Variants in ZYG11B observed in about 807,000 individuals in gnomAD.
The protein encoded by ZYG11B is zyg-11 family member B, cell cycle regulator, also known as protein zyg-11 homolog B.
A neutral mutation model predicts 82.4 loss-of-function variants in ZYG11B; 36 were observed. The ratio of observed to expected loss-of-function variants is 0.44; its 90% CI spans 0.33 to 0.58. The LOEUF (loss-of-function observed/expected upper bound fraction) is 0.58, where lower values mean the gene tolerates loss of function less well. ZYG11B is among the 20% of genes least tolerant of loss of function. ZYG11B has a pLI of 0.02. For missense variants in ZYG11B, 552 were observed against 895.6 expected (o/e 0.62, Z 4.90); for synonymous variants, 303 against 312.8 (o/e 0.97, Z 0.33).
intron 10 of ZYG11B, among the ~76,000 whole-genome samples, chr1:52,802,590 A>G (rs758586197): frequency 2.4e-4 from 37 of 151,514 alleles, no homozygotes; most frequent in Non-Finnish European, 4.7e-4. Flanking sequence ...AGCTCAAGCA[A>G]TCCTCCTACC....
chr1:52,799,491 A>C (rs1451692127), intron 8 of ZYG11B, among the ~76,000 whole-genome samples: 1 of 151,282 alleles, frequency 6.6e-6, no homozygotes, highest in Non-Finnish European at 1.5e-5. Flanking sequence ...TGTCTCAAAA[A>C]AAAAAAACAA....
intron 4 of ZYG11B, among the ~76,000 whole-genome samples, chr1:52,784,434 GA>G (rs1164442491): frequency 1.3e-5 from 2 of 152,208 alleles, no homozygotes; most frequent in Non-Finnish European, 2.9e-5. Context: ...GAGGGCAGAG[GA>G]AAAAGTGAGA....
At chr1:52,783,523 A>G (rs1469621429) in intron 4 of ZYG11B, among the ~76,000 whole-genome samples, 1 of 151,712 alleles carries the variant, frequency 6.6e-6, no homozygotes, top group African/African-American at 2.4e-5. Flanking sequence ...GGAAGGTGAC[A>G]TGTATATGTA....
intron 6 of ZYG11B, among the ~76,000 whole-genome samples, chr1:52,793,644 C>G (rs780644816): frequency 2.6e-5 from 4 of 152,106 alleles, no homozygotes; most frequent in Non-Finnish European, 5.9e-5. Flanking sequence ...AGAATTCAGA[C>G]CCAGAACTGA....
Position 52,771,536 on chromosome 1 carries a change from A to G in ZYG11B, c.713A>G (p.His238Arg). ...CTGGATGTAGTTCGGGAACTCAAAC[A>G]TCTGAATCATCTTGATATCTCAGAT... ...QILDVVRELK[H>R]LNHLDISDDK... The change falls in exon 3 of 14, where the codon CAT becomes CGT. Residue 238 changes from histidine to arginine, a missense_variant. Coordinates refer to ENST00000294353, the MANE Select transcript of ZYG11B (RefSeq NM_024646.3). The surrounding 1 kb of genome is among the most constrained non-coding windows in gnomAD (Gnocchi z 5.4). The G allele has an allele frequency of 6.2e-7, 1 of 1,614,156 alleles. No individual in the cohort carries two copies. The highest frequency in any genetic ancestry group is 8.5e-7 in the Non-Finnish European group (1 of 1,180,006).
At chr1:52,759,610 T>G (rs555751078) in intron 2 of ZYG11B, among the ~76,000 whole-genome samples, 1 of 152,324 alleles carries the variant, frequency 6.6e-6, no homozygotes, top group Admixed American at 6.5e-5. Context: ...ATTACCTGTC[T>G]TCTTCATCAA....
chr1:52,762,240 A>C (rs914931254), intron 2 of ZYG11B, among the ~76,000 whole-genome samples: 1 of 133,592 alleles, frequency 7.5e-6, no homozygotes. Flanking sequence ...ACAGGGTCTC[A>C]CTCTGTTATG....
chr1:52,740,484 T>C (rs1644414483), intron 1 of ZYG11B, among the ~76,000 whole-genome samples: 1 of 152,094 alleles, frequency 6.6e-6, no homozygotes, highest in African/African-American at 2.4e-5. Context: ...CCCCATAGTT[T>C]ATACCAAATA....
chr1:52,760,101 G>A (rs1360391765), intron 2 of ZYG11B, among the ~76,000 whole-genome samples: 1 of 152,104 alleles, frequency 6.6e-6, no homozygotes, highest in African/African-American at 2.4e-5. Flanking sequence ...CGAAAGTGCT[G>A]GGATTACAGG....
chr1:52,788,778 A>G (rs752438441), intron 5 of ZYG11B, among the ~76,000 whole-genome samples: 59 of 152,202 alleles, frequency 3.9e-4, no homozygotes, highest in Admixed American at 3.8e-3. Flanking sequence ...CAATGAGGTA[A>G]TATCTTTGCC....
intron 4 of ZYG11B, among the ~76,000 whole-genome samples, chr1:52,782,325 C>T (rs1328460049): frequency 6.6e-6 from 1 of 151,940 alleles, no homozygotes; most frequent in Non-Finnish European, 1.5e-5. Flanking sequence ...TTCCTGTGCT[C>T]AAGTGATTCT....
intron 3 of ZYG11B, among the ~76,000 whole-genome samples, chr1:52,775,424 C>G (rs779049022): frequency 1.3e-5 from 2 of 152,052 alleles, no homozygotes; most frequent in Non-Finnish European, 2.9e-5. Flanking sequence ...AGACCCCCAT[C>G]TGACACCTGT....
In ZYG11B at chr1:52,738,985, C is replaced by CTTTTTTTTTTTTTT. The variant is rs10643364; in HGVS notation, c.30+12315_30+12316insTTTTTTTTTTTTTT. Reference sequence around the variant, plus strand: ...ATTTTCATTTCATAGGCCCTGTAACCTTTTTTTTTTTTTGGAGACAGAGTC... The same window carrying CTTTTTTTTTTTTTT: ...ATTTTCATTTCATAGGCCCTGTAACCTTTTTTTTTTTTTTTTTTTTTTTTTTTGGAGACAGAGTC... On this transcript the variant is annotated intron_variant, in intron 1 of 13. Transcript: ENST00000294353. 6.4e-4 allele frequency among the ~76,000 whole-genome samples: 68 copies of CTTTTTTTTTTTTTT among 106,270 alleles called. 4 individuals are homozygous for CTTTTTTTTTTTTTT. Among genetic ancestry groups the CTTTTTTTTTTTTTT allele is most frequent in the African/African-American group, 1.3e-3 (34 of 25,188 alleles). 69.7% of individuals were successfully genotyped at this position (106,270 alleles called of 152,430 possible).
intron 1 of ZYG11B, among the ~76,000 whole-genome samples, chr1:52,737,634 C>T (rs1644388953): frequency 6.6e-6 from 1 of 152,142 alleles, no homozygotes; most frequent in Non-Finnish European, 1.5e-5. Context: ...TGCGTGGTGG[C>T]ATGCCTGTAA....
chr1:52,811,936 C>T (rs544552961), intron 10 of ZYG11B, among the ~76,000 whole-genome samples: 46 of 151,922 alleles, frequency 3.0e-4, no homozygotes, highest in African/African-American at 9.4e-4. Context: ...GAGGCTGAGG[C>T]GGGAGAATGG....
At chr1:52,817,225 G>A (rs1303258752) in intron 13 of ZYG11B, among the ~76,000 whole-genome samples, 2 of 152,076 alleles carry the variant, frequency 1.3e-5, no homozygotes, top group Non-Finnish European at 2.9e-5. Flanking sequence ...TCCATTTGTT[G>A]AGTAAAAGGT....
At chr1:52,789,942 T>G in intron 5 of ZYG11B, 61 bp from the exon 6 acceptor site, 5 of 1,192,130 alleles carry the variant, frequency 4.2e-6, no homozygotes, top group African/African-American at 1.5e-5. Flanking sequence ...GAAGCTACCA[T>G]GGTTAAAATA....
intron 1 of ZYG11B, among the ~76,000 whole-genome samples, chr1:52,729,270 C>T (rs756210569): frequency 4.6e-5 from 7 of 152,136 alleles, no homozygotes; most frequent in Admixed American, 3.3e-4. Flanking sequence ...GCCCCACCTC[C>T]TCATACCATT....
At chr1:52,785,218 G>T (rs57623696) in intron 5 of ZYG11B, among the ~76,000 whole-genome samples, 165 bp downstream of exon 5, 4 of 152,238 alleles carry the variant, frequency 2.6e-5, no homozygotes, top group African/African-American at 7.2e-5. Context: ...AGTATATTCC[G>T]TGCCTAAAAG....
Sources: allele counts gnomAD v4.1 joint callset (sites outside exome capture counted in the v4.1 genomes callset), GRCh38; gene constraint gnomAD v4.1.1; non-coding constraint Gnocchi (gnomAD v3.1); transcripts MANE v1.5; gene names NCBI Gene and HGNC (gene_info 2026-07-23, HGNC 2026-07-21).